ITGA9: variants seen among roughly 807,000 people sequenced by gnomAD.
The protein encoded by ITGA9 is integrin alpha-9.
Under a neutral mutation model 127.8 loss-of-function variants are expected in ITGA9, and 56 were observed. The ratio of observed to expected loss-of-function variants is 0.44; its 90% CI spans 0.35 to 0.55. The LOEUF is 0.55. ITGA9 is among the 20% of genes least tolerant of loss of function. The pLI is 0.00. For missense variants in ITGA9, 1,196 were observed against 1,347.1 expected (o/e 0.89, Z 1.76); for synonymous variants, 508 against 514.5 (o/e 0.99, Z 0.17).
At position 37,629,082 on chromosome 3, in the gene ITGA9, G is replaced by T; in HGVS notation, c.1690-105G>T. The stretch of plus-strand genomic sequence containing the variant: ...CCTACCTCACGAGGGTGATTGTGAG[G>T]ATTATATGAGGCAATTCATGTAGAA... On this transcript the variant is annotated intron_variant, in intron 15 of 27. Coordinates refer to ENST00000264741, the MANE Select transcript of ITGA9 (RefSeq NM_002207.3). This position sits in a 1 kb window ranked among gnomAD's most constrained non-coding sequence, Gnocchi z 4.5. The T allele has an allele frequency of 7.5e-7, 1 of 1,325,680 alleles. No individual in the cohort carries two copies. Among genetic ancestry groups the T allele is most frequent in the African/African-American group, 1.4e-5 (1 of 69,234 alleles). 82.1% of individuals were successfully genotyped at this position (1,325,680 alleles called of 1,614,324 possible). A position where few individuals can be genotyped will look rare whatever the true frequency, so the allele number is the denominator to read the frequency against.
At chr3:37,525,049 T>C (rs996942810) in intron 12 of ITGA9, among the ~76,000 whole-genome samples, 11 of 152,226 alleles carry the variant, frequency 7.2e-5, no homozygotes, top group Non-Finnish European at 1.5e-4. Flanking sequence ...TCAGTGCATT[T>C]AGTGATGTAC....
rs560101354 is a variant in ITGA9 at position 37,488,622 on chromosome 3, C to A, written c.545-5879C>A. Among the ~76,000 whole-genome samples the A allele has an allele frequency of 3.9e-3, 589 of 151,902 alleles. 4 individuals are homozygous for A. The highest frequency in any genetic ancestry group is 6.7e-3 in the Non-Finnish European group (458 of 67,932). On this transcript the variant is annotated intron_variant, in intron 4 of 27. Transcript: ENST00000264741. ...GACCAGCCTGACCAACATGGTGAAA[C>A]CCTGCCTCTACTAAAAAATACAAAA... is the stretch of plus-strand genomic sequence containing the variant.
intron 16 of ITGA9, among the ~76,000 whole-genome samples, chr3:37,636,494 G>C (rs571104179): frequency 9.7e-4 from 148 of 152,200 alleles, no homozygotes; most frequent in Non-Finnish European, 1.8e-3. Context: ...TTTTTTTCTT[G>C]TAAATTTGTT....
At chr3:37,603,440 G>T (rs1187352736) in intron 15 of ITGA9, among the ~76,000 whole-genome samples, 4 of 152,144 alleles carry the variant, frequency 2.6e-5, no homozygotes, top group Non-Finnish European at 5.9e-5. Flanking sequence ...TCAAGGACTT[G>T]TGTGTTCTTG....
intron 26 of ITGA9, among the ~76,000 whole-genome samples, chr3:37,798,559 A>G (rs1697201101): frequency 6.6e-6 from 1 of 152,204 alleles, no homozygotes; most frequent in African/African-American, 2.4e-5. Context: ...TGTGATTCTT[A>G]TACACAGTAA....
chr3:37,604,483 A>G (rs1230997631), intron 15 of ITGA9, among the ~76,000 whole-genome samples: 3 of 152,252 alleles, frequency 2.0e-5, no homozygotes, highest in African/African-American at 7.2e-5. Context: ...ACTGGAGGGT[A>G]GCAGAAAACA....
At chr3:37,559,474 C>T (rs556749140) in intron 15 of ITGA9, among the ~76,000 whole-genome samples, 5 of 152,280 alleles carry the variant, frequency 3.3e-5, no homozygotes, top group South Asian at 2.1e-4. Flanking sequence ...CTGAAAAATA[C>T]GCAAATGCAT....
At chr3:37,703,941 T>C (rs942641735) in intron 18 of ITGA9, among the ~76,000 whole-genome samples, 2 of 151,884 alleles carry the variant, frequency 1.3e-5, no homozygotes, top group Non-Finnish European at 2.9e-5. Flanking sequence ...GGCAGGCTGG[T>C]ACTTAATCTC....
intron 22 of ITGA9, chr3:37,748,014 C>T (rs759240087): frequency 2.4e-5 from 8 of 332,640 alleles, no homozygotes; most frequent in South Asian, 1.3e-4. Context: ...CCTCCAGTTC[C>T]GTCCTTGTTG....
chr3:37,526,142 G>A (rs1699091050), intron 13 of ITGA9, 71 bp downstream of exon 13: 2 of 1,310,188 alleles, frequency 1.5e-6, no homozygotes, highest in African/African-American at 2.9e-5. Context: ...CACCATTCAT[G>A]GGCTCTTTCC....
intron 18 of ITGA9, among the ~76,000 whole-genome samples, chr3:37,707,010 A>G (rs2125675981): frequency 6.6e-6 from 1 of 152,316 alleles, no homozygotes; most frequent in East Asian, 1.9e-4. Flanking sequence ...TGTTCTTGAC[A>G]CTGGATCTAA....
chr3:37,573,040 C>G (rs1026558745), intron 15 of ITGA9: 3 of 152,218 alleles, frequency 2.0e-5, no homozygotes, highest in African/African-American at 2.4e-5. Flanking sequence ...TCATTAGCTT[C>G]TGTTAGTCCC....
intron 15 of ITGA9, among the ~76,000 whole-genome samples, chr3:37,545,523 C>A (rs1699317638): frequency 6.6e-6 from 1 of 152,190 alleles, no homozygotes; most frequent in Admixed American, 6.5e-5. Context: ...GAGGGCACCT[C>A]CGGAGGGTAT....
chr3:37,816,182 G>A (rs1488412182), intron 27 of ITGA9, among the ~76,000 whole-genome samples: 2 of 152,128 alleles, frequency 1.3e-5, no homozygotes, highest in South Asian at 2.1e-4. Flanking sequence ...GCAATTTATC[G>A]CTGGTACCAA....
At chr3:37,594,119 C>T (rs1699847190) in intron 15 of ITGA9, among the ~76,000 whole-genome samples, 2 of 152,206 alleles carry the variant, frequency 1.3e-5, no homozygotes, top group South Asian at 4.1e-4. Flanking sequence ...AGCCTGGGAT[C>T]GGAGTTCCAG....
At chr3:37,587,914 G>C (rs1699774034) in intron 15 of ITGA9, among the ~76,000 whole-genome samples, 1 of 152,166 alleles carries the variant, frequency 6.6e-6, no homozygotes, top group African/African-American at 2.4e-5. Context: ...CCGGACCCAG[G>C]CCCACGTTAG....
At chr3:37,577,619 C>G (rs1371770867) in intron 15 of ITGA9, among the ~76,000 whole-genome samples, 2 of 152,340 alleles carry the variant, frequency 1.3e-5, no homozygotes, top group East Asian at 1.9e-4. Flanking sequence ...GAATAACCAG[C>G]CTTCCTTCAA....
intron 17 of ITGA9, among the ~76,000 whole-genome samples, chr3:37,663,341 G>C (rs1195453850): frequency 4.6e-5 from 7 of 152,126 alleles, no homozygotes; most frequent in Non-Finnish European, 8.8e-5. Context: ...TTTCATTGCT[G>C]TCTGGCTAGC....
rs2125570250 is a variant in ITGA9 at position 37,503,288 on chromosome 3, C to T, written c.723C>T (p.Asn241=). 1.9e-6 allele frequency: 3 copies of T among 1,614,096 alleles called. No individual in the cohort carries two copies. Among genetic ancestry groups the T allele is most frequent in the South Asian group, 2.2e-5 (2 of 91,080 alleles). Residue 241 remains asparagine, a synonymous_variant, in exon 6 of 28, where the codon AAC becomes AAT. Coordinates refer to ENST00000264741, the MANE Select transcript of ITGA9 (RefSeq NM_002207.3). ...YLKLNDEVIM[N]RRYTYLGYAV... ...AACTGAACGACGAAGTGATCATGAA[C>T]AGGCGGTACACCTACCTGGGTGAGT...
Sources: allele counts gnomAD v4.1 joint callset (sites outside exome capture counted in the v4.1 genomes callset), GRCh38; gene constraint gnomAD v4.1.1; non-coding constraint Gnocchi (gnomAD v3.1); transcripts MANE v1.5; gene names NCBI Gene and HGNC (gene_info 2026-07-23, HGNC 2026-07-21).